Variants in LPP observed in about 807,000 individuals in gnomAD.
The protein encoded by LPP is lipoma-preferred partner.
Under a neutral mutation model 60.4 loss-of-function variants are expected in LPP, and 38 were observed. That is an observed-to-expected ratio of 0.63 (90% CI 0.49 to 0.83). The LOEUF is 0.83. Among genes scored for constraint, LPP ranks in the 40% least tolerant of loss-of-function variants. The pLI is 0.00. For missense variants in LPP, 902 were observed against 783.6 expected, an observed-to-expected ratio of 1.15 and a Z score of -1.80; for synonymous variants, 328 against 290.8, an observed-to-expected ratio of 1.13 and a Z score of -1.30.
At chr3:188,570,098 T>C (rs554389690) in intron 6 of LPP, among the ~76,000 whole-genome samples, 27 of 151,528 alleles carry the variant, frequency 1.8e-4, no homozygotes, top group Non-Finnish European at 3.2e-4. Flanking sequence ...TTTGACCATA[T>C]CATTTCTAAC....
chr3:188,776,093 G>A (rs942889235), intron 9 of LPP, among the ~76,000 whole-genome samples: 2 of 152,226 alleles, frequency 1.3e-5, no homozygotes, highest in East Asian at 1.9e-4. Flanking sequence ...TCACGCTCTC[G>A]TGGAGCCCTG....
At chr3:188,759,972 G>C (rs1279562176) in intron 8 of LPP, 141 bp from the exon 9 acceptor site, 3 of 660,316 alleles carry the variant, frequency 4.5e-6, no homozygotes, top group East Asian at 2.7e-5. Flanking sequence ...TGGGGTAATG[G>C]GGTAATAGTA....
chr3:188,708,130 A>G, intron 7 of LPP, 137 bp from the exon 8 acceptor site: 1 of 870,734 alleles, frequency 1.1e-6, no homozygotes, highest in South Asian at 1.7e-5. Context: ...TGATAAAACT[A>G]ATTCTAAAAC....
At chr3:188,835,224 G>A (rs6788159) in intron 9 of LPP, among the ~76,000 whole-genome samples, 26 of 151,446 alleles carry the variant, frequency 1.7e-4, no homozygotes, top group African/African-American at 5.3e-4. Context: ...TTTGGAGGCC[G>A]AGGGGGGCAG....
At chr3:188,626,880 CAT>C (rs1438749342) in intron 7 of LPP, among the ~76,000 whole-genome samples, 2 of 152,000 alleles carry the variant, frequency 1.3e-5, no homozygotes, top group African/African-American at 4.8e-5. Context: ...GGAAATGCAA[CAT>C]GTTATAAATT....
intron 8 of LPP, among the ~76,000 whole-genome samples, chr3:188,717,063 A>G (rs1714308809): frequency 6.6e-6 from 1 of 152,218 alleles, no homozygotes; most frequent in Non-Finnish European, 1.5e-5. Flanking sequence ...GGATATGAAG[A>G]AATGAAAGAT....
intron 7 of LPP, among the ~76,000 whole-genome samples, chr3:188,657,859 C>T (rs963293266): frequency 5.9e-5 from 9 of 152,128 alleles, no homozygotes; most frequent in African/African-American, 2.2e-4. Context: ...TATGCATGCT[C>T]ATAGTACTCT....
chr3:188,299,491 C>CT (rs1456166890), intron 2 of LPP, among the ~76,000 whole-genome samples: 2 of 152,074 alleles, frequency 1.3e-5, no homozygotes, highest in Admixed American at 1.3e-4. Flanking sequence ...CAGACTGTGT[C>CT]TTTTTTTAAA....
At position 188,421,708 on chromosome 3, in the gene LPP, A is replaced by C. The variant is rs1039916589; in HGVS notation, c.193+15395A>C. ...GGCAGCTTTTATATTGTGAAAGTTA[A>C]TTATTTTGGTCAGTTTTGCCTGTCT... is the stretch of plus-strand genomic sequence containing the variant. On this transcript the variant is annotated intron_variant, in intron 4 of 11. Transcript: ENST00000617246. Among the ~76,000 whole-genome samples the C allele has an allele frequency of 2.0e-5, 3 of 152,200 alleles. No homozygotes were observed. The East Asian group carries it at 5.8e-4, about 29-fold the overall frequency.
chr3:188,654,192 CA>C (rs1476974851), intron 7 of LPP, among the ~76,000 whole-genome samples: 1 of 152,014 alleles, frequency 6.6e-6, no homozygotes, highest in Non-Finnish European at 1.5e-5. Context: ...CACAAATACA[CA>C]AAACAAAATA....
intron 5 of LPP, among the ~76,000 whole-genome samples, chr3:188,510,961 T>C (rs1815304230): frequency 6.6e-6 from 1 of 152,130 alleles, no homozygotes. Context: ...AATATGGACA[T>C]TTGTGGATAA....
intron 8 of LPP, among the ~76,000 whole-genome samples, chr3:188,734,102 A>G (rs55687235): frequency 0.042 from 6,454 of 152,114 alleles, 199 homozygotes; most frequent in Non-Finnish European, 0.065. Context: ...TTGTTGTAGT[A>G]TCTTACTCTG....
chr3:188,645,248 C>T (rs1850890049), intron 7 of LPP, among the ~76,000 whole-genome samples: 1 of 143,812 alleles, frequency 7.0e-6, no homozygotes, highest in African/African-American at 2.5e-5. Context: ...AGTTCTAGAA[C>T]TTTTTTTTTT....
chr3:188,226,122 C>T (rs1717656846), intron 2 of LPP, among the ~76,000 whole-genome samples: 1 of 152,162 alleles, frequency 6.6e-6, no homozygotes, highest in Non-Finnish European at 1.5e-5. Context: ...GATTCTCCTG[C>T]CTCAGCCTCC....
chr3:188,449,471 G>C (rs1796092732), intron 4 of LPP, among the ~76,000 whole-genome samples: 1 of 151,902 alleles, frequency 6.6e-6, no homozygotes, highest in Non-Finnish European at 1.5e-5. Context: ...CCATATGCTA[G>C]GCTCTCTTTC....
intron 10 of LPP, among the ~76,000 whole-genome samples, chr3:188,867,698 A>G (rs918087709): frequency 5.9e-5 from 9 of 152,174 alleles, no homozygotes; most frequent in African/African-American, 2.2e-4. Flanking sequence ...ATGATCTGTA[A>G]ATGGTGGACT....
chr3:188,263,579 G>A (rs1378876193), intron 2 of LPP, among the ~76,000 whole-genome samples: 2 of 152,128 alleles, frequency 1.3e-5, no homozygotes, highest in African/African-American at 4.8e-5. Flanking sequence ...CACTTTCCCC[G>A]GGAGGTTGCT....
At chr3:188,682,463 G>C (rs774820923) in intron 7 of LPP, among the ~76,000 whole-genome samples, 3 of 152,226 alleles carry the variant, frequency 2.0e-5, no homozygotes, top group Non-Finnish European at 4.4e-5. Context: ...TTTGTAGGCT[G>C]TCCCTGCCCT....
intron 7 of LPP, among the ~76,000 whole-genome samples, chr3:188,657,934 A>G (rs1208646331): frequency 6.6e-6 from 1 of 152,200 alleles, no homozygotes; most frequent in East Asian, 1.9e-4. Flanking sequence ...AGTGACACAT[A>G]AAAATACATA....
Sources: allele counts gnomAD v4.1 joint callset (sites outside exome capture counted in the v4.1 genomes callset), GRCh38; gene constraint gnomAD v4.1.1; transcripts MANE v1.5; gene names NCBI Gene and HGNC (gene_info 2026-07-23, HGNC 2026-07-21).